Variants in FMN2 observed in about 807,000 individuals in gnomAD.
FMN2 encodes formin 2.
A neutral mutation model predicts 142.3 loss-of-function variants in FMN2; 51 were observed. The ratio of observed to expected loss-of-function variants is 0.36; its 90% CI spans 0.29 to 0.45. The LOEUF (loss-of-function observed/expected upper bound fraction) is 0.45. FMN2 is among the 20% of genes least tolerant of loss of function. The pLI is 1.00. For synonymous variants in FMN2, 882 were observed against 869.8 expected, an observed-to-expected ratio of 1.01 and a Z score of -0.25; for missense variants, 1,936 against 2,122.8, an observed-to-expected ratio of 0.91 and a Z score of 1.73.
intron 16 of FMN2, among the ~76,000 whole-genome samples, chr1:240,444,014 C>G (rs916095955): frequency 5.3e-5 from 8 of 151,866 alleles, no homozygotes; most frequent in Non-Finnish European, 1.2e-4. Flanking sequence ...GAATGTGTGT[C>G]TTTTTTTTAC....
intron 2 of FMN2, among the ~76,000 whole-genome samples, chr1:240,138,126 A>T (rs2103247216): frequency 6.6e-6 from 1 of 151,714 alleles, no homozygotes; most frequent in Non-Finnish European, 1.5e-5. Context: ...ACCCAGAGGC[A>T]TTTGTGAAGG....
intron 7 of FMN2, among the ~76,000 whole-genome samples, chr1:240,281,653 C>A (rs985236696): frequency 2.6e-5 from 4 of 152,042 alleles, no homozygotes; most frequent in African/African-American, 9.7e-5. Context: ...ACATTTTTGT[C>A]TTACAGTTTT....
intron 1 of FMN2, among the ~76,000 whole-genome samples, chr1:240,120,074 T>G (rs140150980): frequency 6.6e-6 from 1 of 152,372 alleles, no homozygotes; most frequent in East Asian, 1.9e-4. Context: ...TGTTCTCTAA[T>G]GACCAGAAGA....
rs140218149 is a variant in FMN2, at chr1:240,383,609, G to A, written c.4859-8902G>A. 5.2e-3 allele frequency among the ~76,000 whole-genome samples: 788 copies of A among 152,272 alleles called. 9 individuals carry two copies. The highest frequency in any genetic ancestry group is 0.018 in the African/African-American group (746 of 41,572). On this transcript the variant is annotated intron_variant, in intron 14 of 17. Coordinates refer to ENST00000319653, the MANE Select transcript of FMN2 (RefSeq NM_020066.5). ...AAAAACAGCAGAGGTAGACATGGAT[G>A]TGCAGAAAAGGGAATAGTTATATAC...
chr1:240,390,789 A>T (rs1673580343), intron 14 of FMN2, among the ~76,000 whole-genome samples: 1 of 152,198 alleles, frequency 6.6e-6, no homozygotes, highest in Non-Finnish European at 1.5e-5. Flanking sequence ...GATCTCTGGC[A>T]TCTTGTTCTA....
chr1:240,443,371 A>C (rs1028623194), intron 16 of FMN2, among the ~76,000 whole-genome samples: 1 of 152,104 alleles, frequency 6.6e-6, no homozygotes, highest in African/African-American at 2.4e-5. Flanking sequence ...TTGAAAAAAC[A>C]ATCTAGACTT....
chr1:240,158,465 A>G (rs564195723), intron 2 of FMN2, among the ~76,000 whole-genome samples: 1 of 152,312 alleles, frequency 6.6e-6, no homozygotes, highest in African/African-American at 2.4e-5. Flanking sequence ...ATGTATGATT[A>G]GGAAAGAGTC....
chr1:240,437,209 C>T (rs371485301), intron 15 of FMN2, among the ~76,000 whole-genome samples: 9 of 151,794 alleles, frequency 5.9e-5, no homozygotes, highest in East Asian at 1.9e-4. Context: ...AGCAATCTAC[C>T]GTCAAAGTCC....
intron 2 of FMN2, among the ~76,000 whole-genome samples, chr1:240,159,213 C>A (rs561872121): frequency 6.6e-6 from 1 of 151,996 alleles, no homozygotes; most frequent in African/African-American, 2.4e-5. Context: ...TAAATCCACC[C>A]TATGAAACTT....
At chr1:240,303,040 T>TAA (rs10711831) in intron 8 of FMN2, among the ~76,000 whole-genome samples, 8 of 148,746 alleles carry the variant, frequency 5.4e-5, no homozygotes, top group Non-Finnish European at 7.5e-5. Flanking sequence ...TCTCTATGAC[T>TAA]AAAAAAAAAA....
chr1:240,225,004 G>A (rs72764377), intron 6 of FMN2, among the ~76,000 whole-genome samples: 8,313 of 152,204 alleles, frequency 0.055, 275 homozygotes, highest in South Asian at 0.11. Flanking sequence ...ACAAATATAA[G>A]TTTCAAGCAT....
At chr1:240,293,619 C>T (rs184772524) in intron 7 of FMN2, among the ~76,000 whole-genome samples, 24 of 152,022 alleles carry the variant, frequency 1.6e-4, no homozygotes, top group African/African-American at 2.7e-4. Context: ...TTAAAGTTCA[C>T]GATATTTTTG....
Position 240,332,536 on chromosome 1 carries a change from T to A in FMN2, c.4585-1351T>A, listed in dbSNP as rs185421176. Among the ~76,000 whole-genome samples, 13 of 152,296 alleles carry A rather than the reference T, an allele frequency of 8.5e-5. No individual in the cohort carries two copies. The East Asian group carries it at 2.5e-3, about 29-fold the overall frequency. ...CTGGAAATAGATTCTAGTGATCATA[T>A]ATAAATAAGAGATTATTTGTGGGAC... On this transcript the variant is annotated intron_variant, in intron 11 of 17. Transcript: ENST00000319653.
At chr1:240,121,068 G>GGAGAATC (rs1214470056) in intron 1 of FMN2, among the ~76,000 whole-genome samples, 1 of 152,152 alleles carries the variant, frequency 6.6e-6, no homozygotes, top group Non-Finnish European at 1.5e-5. Context: ...GGCTGAGGCA[G>GGAGAATC]GAGAATCGCT....
At chr1:240,152,002 A>G (rs1663800050) in intron 2 of FMN2, among the ~76,000 whole-genome samples, 1 of 152,110 alleles carries the variant, frequency 6.6e-6, no homozygotes, top group Non-Finnish European at 1.5e-5. Context: ...CCTGGGCTCA[A>G]GCAATCCTCC....
rs1035540227 is a variant in FMN2, at chr1:240,156,937, C to G, written c.1783-20984C>G. ...AAGAGGATTTACGTTGCTATTTGAG[C>G]AAGCTTTTGAAAGCTTTAGGAAGAG... On this transcript the variant is annotated intron_variant, in intron 2 of 17. Coordinates refer to ENST00000319653, the MANE Select transcript of FMN2 (RefSeq NM_020066.5). Among the ~76,000 whole-genome samples, 3 of 152,086 alleles carry G rather than the reference C, an allele frequency of 2.0e-5. No individual in the cohort carries two copies. The East Asian group carries it at 5.8e-4, about 29-fold the overall frequency.
intron 4 of FMN2, among the ~76,000 whole-genome samples, chr1:240,197,804 G>C (rs552924863): frequency 6.6e-6 from 1 of 151,914 alleles, no homozygotes; most frequent in African/African-American, 2.4e-5. Context: ...GAGTAGCTGG[G>C]ATTACAGGTA....
chr1:240,361,157 A>G (rs1487635649), intron 14 of FMN2, among the ~76,000 whole-genome samples: 1 of 32,540 alleles, frequency 3.1e-5, no homozygotes, highest in Non-Finnish European at 4.8e-5. Context: ...ATATATATAT[A>G]TATATATATA....
chr1:240,178,998 G>C (rs1665042320), intron 3 of FMN2, among the ~76,000 whole-genome samples: 1 of 152,082 alleles, frequency 6.6e-6, no homozygotes, highest in South Asian at 2.1e-4. Flanking sequence ...TAACTTAAAA[G>C]CATGGAGCTT....
Sources: allele counts gnomAD v4.1 joint callset (sites outside exome capture counted in the v4.1 genomes callset), GRCh38; gene constraint gnomAD v4.1.1; transcripts MANE v1.5; gene names NCBI Gene and HGNC (gene_info 2026-07-23, HGNC 2026-07-21).